DLC1: variants seen among roughly 807,000 people sequenced by gnomAD.
The protein encoded by DLC1 is DLC1 Rho GTPase activating protein, also known as rho GTPase-activating protein 7.
In DLC1, 54 loss-of-function variants were observed where a neutral mutation model predicts 140.3. The observed-to-expected ratio is 0.38, with a 90% CI of 0.31 to 0.48. DLC1 has a LOEUF of 0.48. DLC1 is among the 20% of genes least tolerant of loss of function. The pLI is 0.96. For synonymous variants in DLC1, 986 were observed against 728.1 expected (o/e 1.35, Z -5.70); for missense variants, 2,536 against 1,907.0 (o/e 1.33, Z -6.14).
intron 5 of DLC1, among the ~76,000 whole-genome samples, chr8:13,231,360 C>T (rs1273758707): frequency 2.0e-5 from 3 of 152,152 alleles, no homozygotes; most frequent in Admixed American, 6.6e-5. Flanking sequence ...CTAGATTTCC[C>T]ACTGATGACT....
chr8:13,126,402 T>TACAC (rs1224384963), intron 5 of DLC1, among the ~76,000 whole-genome samples: 6 of 116,612 alleles, frequency 5.1e-5, no homozygotes, highest in African/African-American at 1.7e-4. Context: ...CACACACACG[T>TACAC]GTACGTATTT....
chr8:13,298,767 C>T (rs1000354993), intron 5 of DLC1, among the ~76,000 whole-genome samples: 5 of 152,154 alleles, frequency 3.3e-5, no homozygotes, highest in African/African-American at 1.2e-4. Context: ...AGGCACTATG[C>T]TCACTACTTG....
chr8:13,415,924 C>T (rs188767973), intron 2 of DLC1, among the ~76,000 whole-genome samples: 2 of 152,202 alleles, frequency 1.3e-5, no homozygotes, highest in Admixed American at 6.5e-5. Flanking sequence ...TATGTCTTCT[C>T]GAAATTTCTC....
intron 2 of DLC1, among the ~76,000 whole-genome samples, chr8:13,443,657 C>CAAAAAAAA (rs11321891): frequency 1.5e-4 from 10 of 66,898 alleles, no homozygotes; most frequent in East Asian, 4.3e-4. Context: ...GACTCCGTCT[C>CAAAAAAAA]AAAAAAAAAA....
chr8:13,575,936 C>T (rs187191058), intron 1 of DLC1, among the ~76,000 whole-genome samples: 1 of 152,188 alleles, frequency 6.6e-6, no homozygotes, highest in East Asian at 1.9e-4. Flanking sequence ...CAAGAGAGTC[C>T]CACAGTTATT....
intron 2 of DLC1, among the ~76,000 whole-genome samples, chr8:13,402,062 T>G (rs1837324248): frequency 6.6e-6 from 1 of 152,116 alleles, no homozygotes; most frequent in South Asian, 2.1e-4. Flanking sequence ...GTAAAAACAC[T>G]GGAAAAGAAC....
chr8:13,410,010 G>T (rs79663774), intron 2 of DLC1, among the ~76,000 whole-genome samples: 1 of 151,996 alleles, frequency 6.6e-6, no homozygotes, highest in African/African-American at 2.4e-5. Context: ...ATGAAAATTA[G>T]GGTGACAGGA....
chr8:13,516,168 G>T (rs778752893), upstream of DLC1, among the ~76,000 whole-genome samples: 33 of 146,828 alleles, frequency 2.2e-4, no homozygotes, highest in Admixed American at 4.7e-4. Context: ...GCATTTTTTT[G>T]GGGGGGGACT....
chr8:13,310,103 C>G (rs554256292), intron 4 of DLC1, among the ~76,000 whole-genome samples: 1 of 152,158 alleles, frequency 6.6e-6, no homozygotes, highest in African/African-American at 2.4e-5. Flanking sequence ...CTTCAAACAA[C>G]TGGCAGCTAT....
intron 5 of DLC1, among the ~76,000 whole-genome samples, chr8:13,136,269 G>T (rs1449605246): frequency 1.3e-5 from 2 of 152,106 alleles, no homozygotes; most frequent in East Asian, 1.9e-4. Context: ...GGGTACGATT[G>T]GTTCAGTCAC....
At chr8:13,523,981 C>A (rs1205974704) in intron 1 of DLC1, among the ~76,000 whole-genome samples, 4 of 151,188 alleles carry the variant, frequency 2.6e-5, no homozygotes, top group Non-Finnish European at 4.4e-5. Context: ...GGGATGGGAT[C>A]TAATGCAAAG....
intron 1 of DLC1, among the ~76,000 whole-genome samples, chr8:13,530,497 C>T (rs1291306463): frequency 1.3e-5 from 2 of 152,036 alleles, no homozygotes; most frequent in Non-Finnish European, 2.9e-5. Flanking sequence ...CTTGGCTTTG[C>T]TGTGTGTGTG....
At chr8:13,304,699 C>T (rs1832345242) in intron 5 of DLC1, 5 of 958,358 alleles carry the variant, frequency 5.2e-6, no homozygotes, top group Non-Finnish European at 6.2e-6. Flanking sequence ...ATAGATCTAC[C>T]AATCCATGTC....
At chr8:13,549,451 C>T (rs997696933) in intron 1 of DLC1, among the ~76,000 whole-genome samples, 2 of 152,124 alleles carry the variant, frequency 1.3e-5, no homozygotes, top group Non-Finnish European at 2.9e-5. Context: ...AATTTAACTG[C>T]TTCAACCCTC....
chr8:13,094,233 A>G (rs976474483), intron 12 of DLC1, among the ~76,000 whole-genome samples: 18 of 152,220 alleles, frequency 1.2e-4, no homozygotes, highest in Admixed American at 1.2e-3. Context: ...GTACAATTGC[A>G]TCAGTCATTA....
At chr8:13,244,130 A>C (rs1829657237) in intron 5 of DLC1, among the ~76,000 whole-genome samples, 1 of 152,010 alleles carries the variant, frequency 6.6e-6, no homozygotes, top group Non-Finnish European at 1.5e-5. Flanking sequence ...CTTTCTAAAT[A>C]TTTTTCAAAC....
intron 2 of DLC1, among the ~76,000 whole-genome samples, chr8:13,486,589 G>A (rs1212948754): frequency 2.0e-5 from 3 of 152,006 alleles, no homozygotes. Flanking sequence ...CAGCTCCTTG[G>A]TCTTGTCAAT....
intron 1 of DLC1, among the ~76,000 whole-genome samples, chr8:13,586,837 T>C (rs870769): frequency 0.033 from 5,088 of 152,142 alleles, 140 homozygotes; most frequent in East Asian, 0.14. Context: ...AAGCAAGACT[T>C]GTTATAGTGG....
At chr8:13,333,344 G>A (rs1263434906) in intron 4 of DLC1, among the ~76,000 whole-genome samples, 1 of 152,052 alleles carries the variant, frequency 6.6e-6, no homozygotes, top group African/African-American at 2.4e-5. Context: ...TCCCACCTCA[G>A]CCTCCCGAGT....
Sources: gnomAD v4.1 joint callset for allele counts (sites outside exome capture counted in the v4.1 genomes callset) on GRCh38, gnomAD v4.1.1 for gene constraint, MANE v1.5 for transcripts, NCBI Gene and HGNC (gene_info 2026-07-23, HGNC 2026-07-21) for gene names.